CCDC186: variants seen among roughly 807,000 people sequenced by gnomAD.
CCDC186 encodes the protein coiled-coil domain containing 186.
CCDC186 carries 49 observed loss-of-function variants against 113.7 expected under a neutral mutation model. The ratio of observed to expected loss-of-function variants is 0.43; its 90% CI spans 0.34 to 0.55. CCDC186 has a LOEUF of 0.55. Ranked by LOEUF, CCDC186 falls within the 20% of genes least tolerant of loss-of-function variation. The probability of loss-of-function intolerance (pLI) is 0.02; values close to 1 mark genes in which losing one functional copy is unlikely to be tolerated. For synonymous variants in CCDC186, 355 were observed against 345.8 expected, an observed-to-expected ratio of 1.03 and a Z score of -0.30; for missense variants, 890 against 1,011.1, an observed-to-expected ratio of 0.88 and a Z score of 1.62.
intron 1 of CCDC186, chr10:114,165,852 A>C (rs1168669179): frequency 1.0e-6 from 1 of 973,126 alleles, no homozygotes; most frequent in Admixed American, 6.2e-5. Flanking sequence ...TTTGTCTCAA[A>C]AAAAAAAAAA....
At position 114,127,592 on chromosome 10, in the gene CCDC186, T is replaced by C. The variant is rs780858415; in HGVS notation, c.2262A>G (p.Pro754=). The change falls in exon 14 of 16, where the codon CCA becomes CCG. Residue 754 remains proline (P), a synonymous_variant. Coordinates refer to ENST00000369287, the MANE Select transcript of CCDC186 (RefSeq NM_018017.4). ...TGSSVAVDNF[P]QVDKAMLIER... ...CAATCAACATGGCCTTATCTACTTGTGGAAAGTTATCCACAGCTACTGAGG... is the reference window on the plus strand; with the variant it reads ...CAATCAACATGGCCTTATCTACTTGCGGAAAGTTATCCACAGCTACTGAGG... The C allele has an allele frequency of 6.2e-7, 1 of 1,614,110 alleles. No individual in the cohort carries two copies. Among genetic ancestry groups the C allele is most frequent in the South Asian group, 1.1e-5 (1 of 91,084 alleles).
chr10:114,127,484 C>T lies in CCDC186; in HGVS notation c.2370G>A (p.Val790=), dbSNP rs1246711271. The T allele has an allele frequency of 3.1e-6, 5 of 1,613,822 alleles. No individual in the cohort carries two copies. The highest frequency in any genetic ancestry group is 4.2e-6 in the Non-Finnish European group (5 of 1,179,910). Residue 790 remains valine (V), a synonymous_variant, in exon 14 of 16, where the codon GTG becomes GTA. Coordinates refer to ENST00000369287, the MANE Select transcript of CCDC186 (RefSeq NM_018017.4). The part of the protein sequence containing the change: ...EFMEDHIKQL[V]EEIRKKTKII... Reference sequence around the variant, plus strand: ...ACTTTGTTTTTTTCCTAATTTCTTCCACCAGTTGTTTGATGTGGTCCTCCA... The same window carrying T: ...ACTTTGTTTTTTTCCTAATTTCTTCTACCAGTTGTTTGATGTGGTCCTCCA...
Position 114,131,922 on chromosome 10 carries a change from T to C in CCDC186, c.1911+7A>G, listed in dbSNP as rs1266596664. The C allele has an allele frequency of 6.3e-7, 1 of 1,595,010 alleles. No homozygotes were observed. Among genetic ancestry groups the C allele is most frequent in the Non-Finnish European group, 8.5e-7 (1 of 1,169,694 alleles). On this transcript the variant is annotated splice_region_variant and intron_variant, in intron 11 of 15. Transcript: ENST00000369287. ...TTGTTTTAAAAAAAATGTAAATTTA[T>C]ACTTACCAAATTAATATTTGTCTGT...
chr10:114,164,409 C>A (rs2032275302), intron 1 of CCDC186, among the ~76,000 whole-genome samples: 1 of 151,964 alleles, frequency 6.6e-6, no homozygotes, highest in Non-Finnish European at 1.5e-5. Context: ...AGGGGTGAGC[C>A]ACCGCACCCG....
Position 114,135,056 on chromosome 10 carries a change from C to A in CCDC186, c.1513-1G>T. The A allele has an allele frequency of 6.2e-7, 1 of 1,602,062 alleles. No individual in the cohort carries two copies. Among genetic ancestry groups the A allele is most frequent in the Non-Finnish European group, 8.5e-7 (1 of 1,176,816 alleles). On this transcript the variant is annotated splice_acceptor_variant, in intron 9 of 15. Transcript: ENST00000369287. LOFTEE classifies it high-confidence loss of function. The stretch of plus-strand genomic sequence containing the variant: ...ATCGTTCATCTTCTAGACATTTCAC[C>A]TATCAAATGATCACAACCAAGTTAC...
chr10:114,144,447 A>C (rs752155943), intron 6 of CCDC186, 50 bp downstream of exon 6: 8 of 1,558,748 alleles, frequency 5.1e-6, no homozygotes, highest in Non-Finnish European at 6.9e-6. Context: ...ACAAAAACAA[A>C]AACAAAAAAA....
chr10:114,128,162 T>C (rs937575226), intron 13 of CCDC186, among the ~76,000 whole-genome samples: 1 of 152,168 alleles, frequency 6.6e-6, no homozygotes, highest in Non-Finnish European at 1.5e-5. Context: ...TAAATGATAT[T>C]ATTTACCTCA....
chr10:114,152,068 T>G (rs2031873071), intron 3 of CCDC186, among the ~76,000 whole-genome samples: 2 of 152,104 alleles, frequency 1.3e-5, no homozygotes, highest in Non-Finnish European at 2.9e-5. Flanking sequence ...AGGAGCCAGG[T>G]AGTGGCTTAT....
chr10:114,138,311 G>T (rs9663719), intron 6 of CCDC186, among the ~76,000 whole-genome samples: 4,863 of 7,796 alleles, frequency 0.62, 1,322 homozygotes, highest in East Asian at 0.75. Context: ...TTTTTTTTTT[G>T]GAGACAGCGT....
intron 4 of CCDC186, among the ~76,000 whole-genome samples, chr10:114,147,459 G>A (rs2031680885): frequency 6.6e-6 from 1 of 152,048 alleles, no homozygotes; most frequent in Non-Finnish European, 1.5e-5. Context: ...ATCAAGGAAA[G>A]GAATTAAAAA....
rs985321466 is a variant in CCDC186, at chr10:114,157,799, A to G, written c.633-119T>C. 49 of 734,496 alleles carry G rather than the reference A, an allele frequency of 6.7e-5. No individual in the cohort carries two copies. The African/African-American group carries it at 8.4e-4, about 13-fold the overall frequency. The allele number at this position is 734,496 out of a possible 1,614,324, so 45.5% of individuals were successfully genotyped here. On this transcript the variant is annotated intron_variant, in intron 2 of 15. Transcript: ENST00000369287. Reference sequence around the variant, plus strand: ...ATATCTATAATTATTCATTATGTTAATAAATTAACATTCCTAAATAATCAT... The same window carrying G: ...ATATCTATAATTATTCATTATGTTAGTAAATTAACATTCCTAAATAATCAT...
chr10:114,145,378 T>C (rs912485531), intron 5 of CCDC186, among the ~76,000 whole-genome samples, 171 bp downstream of exon 5: 3 of 152,138 alleles, frequency 2.0e-5, no homozygotes, highest in African/African-American at 4.8e-5. Context: ...AGACAAGTAA[T>C]AGAACACTTG....
chr10:114,169,037 C>T (rs2032412777), intron 1 of CCDC186, among the ~76,000 whole-genome samples: 1 of 152,062 alleles, frequency 6.6e-6, no homozygotes, highest in Non-Finnish European at 1.5e-5. Flanking sequence ...TCATTTTATT[C>T]TTCGTGTTTT....
At chr10:114,149,155 G>C (rs1420589560) in intron 4 of CCDC186, among the ~76,000 whole-genome samples, 1 of 152,162 alleles carries the variant, frequency 6.6e-6, no homozygotes, top group Non-Finnish European at 1.5e-5. Flanking sequence ...TAGGGTTGTT[G>C]TGAAGATCAA....
In CCDC186 at chr10:114,122,945, T is replaced by C. The variant is rs1297705719; in HGVS notation, c.*2198A>G. 6.6e-6 allele frequency: 1 copy of C among 152,202 alleles called. No individual in the cohort carries two copies. Among genetic ancestry groups the C allele is most frequent in the Non-Finnish European group, 1.5e-5 (1 of 68,038 alleles). The allele number at this position is 152,202 out of a possible 1,614,324, so 9.4% of individuals were successfully genotyped here. A position where few individuals can be genotyped will look rare whatever the true frequency, so the allele number is the denominator to read the frequency against. On this transcript the variant is annotated 3_prime_UTR_variant, in exon 16 of 16. Coordinates refer to ENST00000369287, the MANE Select transcript of CCDC186 (RefSeq NM_018017.4). ...CTCCAAGTAGATGGTAGCACAAATATTAATACTGGAGTGTGCATTTTTGTC... is the reference window on the plus strand; with the variant it reads ...CTCCAAGTAGATGGTAGCACAAATACTAATACTGGAGTGTGCATTTTTGTC...
chr10:114,162,873 AT>A lies in CCDC186; in HGVS notation c.395del (p.Asn132MetfsTer22). 6.2e-7 allele frequency: 1 copy of A among 1,613,972 alleles called. No homozygotes were observed. The highest frequency in any genetic ancestry group is 8.5e-7 in the Non-Finnish European group (1 of 1,179,944). On this transcript the variant is annotated frameshift_variant, in exon 2 of 16. Transcript: ENST00000369287. LOFTEE classifies it high-confidence loss of function. ...LRSSTFPESA[N>X]EKTYSESPYD... ...AGGGGCTTTCTGAATAAGTCTTTTC[AT>A]TAGCTGATTCTGGAAATGTAGATGA... is the stretch of plus-strand genomic sequence containing the variant.
chr10:114,150,004 G>A (rs1212239645), intron 4 of CCDC186, among the ~76,000 whole-genome samples: 6 of 152,162 alleles, frequency 3.9e-5, no homozygotes, highest in Non-Finnish European at 8.8e-5. Flanking sequence ...ACTGATAGCA[G>A]GAGAGTTAAA....
chr10:114,151,709 G>A (rs1047805212), intron 3 of CCDC186, among the ~76,000 whole-genome samples: 9 of 152,166 alleles, frequency 5.9e-5, no homozygotes, highest in African/African-American at 2.2e-4. Context: ...TCGCTTAGTA[G>A]CCATCTCAGT....
intron 3 of CCDC186, among the ~76,000 whole-genome samples, chr10:114,154,084 G>A (rs952204277): frequency 2.0e-5 from 3 of 151,512 alleles, no homozygotes; most frequent in Non-Finnish European, 2.9e-5. Context: ...GGTGATGCAC[G>A]CCTGTAGTAG....
Sources: allele counts gnomAD v4.1 joint callset (sites outside exome capture counted in the v4.1 genomes callset), GRCh38; gene constraint gnomAD v4.1.1; transcripts MANE v1.5; gene names NCBI Gene and HGNC (gene_info 2026-07-23, HGNC 2026-07-21).